The following XKR6 variants were observed in gnomAD, a reference collection of about 807,000 sequenced individuals.
The protein encoded by XKR6 is XK related 6, also known as XK-related protein 6.
Under a neutral mutation model 56.7 loss-of-function variants are expected in XKR6, and 22 were observed. The ratio of observed to expected loss-of-function variants is 0.39; its 90% CI spans 0.28 to 0.55. The LOEUF (loss-of-function observed/expected upper bound fraction) is 0.55. Ranked by LOEUF, XKR6 falls within the 20% of genes least tolerant of loss-of-function variation. The pLI is 0.66. For missense variants in XKR6, 852 were observed against 889.0 expected, an observed-to-expected ratio of 0.96 and a Z score of 0.53; for synonymous variants, 524 against 387.8, an observed-to-expected ratio of 1.35 and a Z score of -4.13.
chr8:11,067,129 G>C (rs78958336), intron 1 of XKR6: 1 of 152,352 alleles, frequency 6.6e-6, no homozygotes, highest in Admixed American at 6.5e-5. Context: ...GTTTCGGAGA[G>C]ACGTCACCCA....
At chr8:11,131,401 A>T (rs1800096472) in intron 1 of XKR6, among the ~76,000 whole-genome samples, 1 of 152,154 alleles carries the variant, frequency 6.6e-6, no homozygotes, top group African/African-American at 2.4e-5. Flanking sequence ...AGAAGGCATG[A>T]TGAAATCATT....
chr8:11,093,844 C>T (rs184073591), intron 1 of XKR6, among the ~76,000 whole-genome samples: 4 of 144,112 alleles, frequency 2.8e-5, no homozygotes, highest in East Asian at 4.2e-4. Context: ...AGTGCAGTGG[C>T]GTGATCTCGG....
At chr8:10,906,750 G>A (rs1800199106) in intron 2 of XKR6, among the ~76,000 whole-genome samples, 1 of 152,218 alleles carries the variant, frequency 6.6e-6, no homozygotes, top group African/African-American at 2.4e-5. Context: ...AAGGGTCAAA[G>A]AGGCTGGGCG....
chr8:10,952,458 C>A (rs1214587634), intron 1 of XKR6, among the ~76,000 whole-genome samples: 1 of 152,024 alleles, frequency 6.6e-6, no homozygotes. Context: ...TTTGTTTTTT[C>A]TTTTCTTTTG....
chr8:11,201,532 G>C lies in XKR6; in HGVS notation c.-193C>G, dbSNP rs1174032698. On this transcript the variant is annotated 5_prime_UTR_variant, in exon 1 of 3. Transcript: ENST00000416569. ...TCCGGGTAGTTGGCGTCACTTCCGG[G>C]CGAGCCCCCCAATCGCACGGCGCCC... Among the ~76,000 whole-genome samples, 1 of 152,238 alleles carries C rather than the reference G, an allele frequency of 6.6e-6. No homozygotes were observed. Among genetic ancestry groups the C allele is most frequent in the Non-Finnish European group, 1.5e-5 (1 of 67,994 alleles).
At chr8:10,964,854 C>T (rs1802169346) in intron 1 of XKR6, among the ~76,000 whole-genome samples, 1 of 152,248 alleles carries the variant, frequency 6.6e-6, no homozygotes, top group Non-Finnish European at 1.5e-5. Flanking sequence ...AAGCCCTTTC[C>T]CCTGACATAG....
intron 1 of XKR6, among the ~76,000 whole-genome samples, chr8:11,112,845 C>T (rs1024125776): frequency 1.3e-5 from 2 of 152,178 alleles, no homozygotes; most frequent in Non-Finnish European, 2.9e-5. Context: ...CCTATCATTA[C>T]AGAAAGCCAC....
At chr8:11,086,097 T>C (rs1586524981) in intron 1 of XKR6, among the ~76,000 whole-genome samples, 3 of 151,040 alleles carry the variant, frequency 2.0e-5, no homozygotes, top group African/African-American at 4.9e-5. Context: ...CATGGAAGAA[T>C]AGGACCAGAA....
intron 1 of XKR6, among the ~76,000 whole-genome samples, chr8:11,192,343 G>A (rs1258679567): frequency 1.3e-5 from 2 of 152,050 alleles, no homozygotes; most frequent in Non-Finnish European, 2.9e-5. Context: ...ATTTTTAATA[G>A]AGACACCATG....
intron 2 of XKR6, among the ~76,000 whole-genome samples, chr8:10,899,427 C>T (rs1300869610): frequency 6.6e-6 from 1 of 152,244 alleles, no homozygotes; most frequent in Non-Finnish European, 1.5e-5. Context: ...CTGCCTTTTC[C>T]TCACCTCACT....
rs73662687 is a variant in XKR6 at position 11,048,976 on chromosome 8, A to G, written c.765-124146T>C. 4.4e-3 allele frequency among the ~76,000 whole-genome samples: 671 copies of G among 152,258 alleles called. 12 individuals carry two copies. Among genetic ancestry groups the G allele is most frequent in the African/African-American group, 0.015 (628 of 41,534 alleles). The stretch of plus-strand genomic sequence containing the variant: ...GTGGCTGAGGTGGCTGCAGGCTCTT[A>G]TCAATGAGATCAACAGGGTGTCTGC... On this transcript the variant is annotated intron_variant, in intron 1 of 2. Transcript: ENST00000416569.
At chr8:11,014,183 T>G (rs1798561055) in intron 1 of XKR6, among the ~76,000 whole-genome samples, 1 of 152,214 alleles carries the variant, frequency 6.6e-6, no homozygotes, top group African/African-American at 2.4e-5. Flanking sequence ...CTCATTTGCA[T>G]AATCCATATT....
intron 1 of XKR6, among the ~76,000 whole-genome samples, chr8:11,165,090 CTTTTTT>C (rs35783491): frequency 3.6e-5 from 3 of 82,472 alleles, no homozygotes; most frequent in African/African-American, 1.0e-4. Context: ...AGGCTATCAC[CTTTTTT>C]TTTTTTTTTT....
At position 10,946,145 on chromosome 8, in the gene XKR6, T is replaced by C. The variant is rs139716538; in HGVS notation, c.765-21315A>G. On this transcript the variant is annotated intron_variant, in intron 1 of 2. Coordinates refer to ENST00000416569, the MANE Select transcript of XKR6 (RefSeq NM_173683.4). ...CCACACACACCTCCCTGTGTCACTC[T>C]GCCTGCAGGTTTCTCACAATCTGCC... 6.9e-3 allele frequency among the ~76,000 whole-genome samples: 1,046 copies of C among 152,176 alleles called. 10 individuals are homozygous for C. The highest frequency in any genetic ancestry group is 0.024 in the African/African-American group (1,009 of 41,508).
intron 1 of XKR6, among the ~76,000 whole-genome samples, chr8:11,186,486 C>T (rs1803282981): frequency 6.6e-6 from 1 of 152,158 alleles, no homozygotes; most frequent in African/African-American, 2.4e-5. Context: ...AAGTAGTCTT[C>T]CCATCTCAGC....
chr8:10,972,988 T>C (rs1406443440), intron 1 of XKR6, among the ~76,000 whole-genome samples: 1 of 152,192 alleles, frequency 6.6e-6, no homozygotes, highest in Non-Finnish European at 1.5e-5. Flanking sequence ...GAACTGTTCA[T>C]GGTGTTTGGG....
At chr8:11,044,810 G>C (rs1037034094) in intron 1 of XKR6, among the ~76,000 whole-genome samples, 2 of 151,916 alleles carry the variant, frequency 1.3e-5, no homozygotes, top group African/African-American at 4.8e-5. Flanking sequence ...AGTAGAGACG[G>C]GGTTTCACCA....
chr8:11,004,776 G>A (rs916437980), intron 1 of XKR6, among the ~76,000 whole-genome samples: 3 of 152,170 alleles, frequency 2.0e-5, no homozygotes, highest in East Asian at 1.9e-4. Context: ...TAGCCAAAAG[G>A]TGGAGACAAC....
intron 1 of XKR6, among the ~76,000 whole-genome samples, chr8:11,185,810 G>C (rs577393292): frequency 8.5e-5 from 13 of 152,214 alleles, no homozygotes; most frequent in African/African-American, 3.1e-4. Flanking sequence ...ATCATCTAAA[G>C]AAAAATTATT....
Sources: gnomAD v4.1 joint callset for allele counts (sites outside exome capture counted in the v4.1 genomes callset) on GRCh38, gnomAD v4.1.1 for gene constraint, MANE v1.5 for transcripts, NCBI Gene and HGNC (gene_info 2026-07-23, HGNC 2026-07-21) for gene names.